The following WDR25 variants were observed in gnomAD, a reference collection of about 807,000 sequenced individuals.
The protein encoded by WDR25 is WD repeat domain 25.
In WDR25, 35 loss-of-function variants were observed where a neutral mutation model predicts 47.7. That is an observed-to-expected ratio of 0.73 (90% CI 0.56 to 0.97). WDR25 has a LOEUF of 0.97. WDR25 is among the 50% of genes least tolerant of loss of function. The pLI, the probability that WDR25 is intolerant of heterozygous loss-of-function variation, is 0.00. For synonymous variants in WDR25, 248 were observed against 278.9 expected (o/e 0.89, Z 1.10); for missense variants, 634 against 704.7 (o/e 0.90, Z 1.14).
At chr14:100,461,072 A>G (rs553523173) in intron 2 of WDR25, among the ~76,000 whole-genome samples, 36 of 152,226 alleles carry the variant, frequency 2.4e-4, no homozygotes, top group African/African-American at 8.2e-4. Flanking sequence ...AAAAACATTT[A>G]GAAGGGTGAT....
chr14:100,451,702 A>G (rs925906177), intron 2 of WDR25, among the ~76,000 whole-genome samples: 8 of 152,002 alleles, frequency 5.3e-5, no homozygotes, highest in Non-Finnish European at 1.0e-4. Flanking sequence ...TTGTGGTGCC[A>G]GAGAGGTTCA....
At chr14:100,381,916 G>C in intron 2 of WDR25, 170 bp downstream of exon 2, 1 of 646,942 alleles carries the variant, frequency 1.5e-6, no homozygotes, top group Non-Finnish European at 2.7e-6. Flanking sequence ...CCGGGTTGTG[G>C]GTTCCTTCTG....
intron 2 of WDR25, among the ~76,000 whole-genome samples, chr14:100,447,229 G>A (rs1456384519): frequency 6.6e-6 from 1 of 152,208 alleles, no homozygotes; most frequent in Non-Finnish European, 1.5e-5. Context: ...CCTACTGGAA[G>A]CTGTTCCATT....
intron 2 of WDR25, among the ~76,000 whole-genome samples, chr14:100,382,826 G>A (rs553747562): frequency 6.6e-6 from 1 of 152,330 alleles, no homozygotes; most frequent in African/African-American, 2.4e-5. Flanking sequence ...CTGGCCGGCT[G>A]CCTTCCTGTG....
Position 100,449,587 on chromosome 14 carries a change from C to T in WDR25, c.823-18434C>T, listed in dbSNP as rs1429366201. Among the ~76,000 whole-genome samples, 1 of 152,222 alleles carries T rather than the reference C, an allele frequency of 6.6e-6. No homozygotes were observed. Among genetic ancestry groups the T allele is most frequent in the South Asian group, 2.1e-4 (1 of 4,828 alleles). ...TGACAGCCAGGACACTCTGCCTCCA[C>T]CCAGACTGGGCCTTCAGAAGGAATT... On this transcript the variant is annotated intron_variant, in intron 2 of 6. Transcript: ENST00000402312. The surrounding 1 kb of genome is among the most constrained non-coding windows in gnomAD (Gnocchi z 4.2).
intron 3 of WDR25, among the ~76,000 whole-genome samples, chr14:100,476,179 G>A (rs1319017183): frequency 6.6e-6 from 1 of 152,210 alleles, no homozygotes; most frequent in Non-Finnish European, 1.5e-5. Context: ...GGAGAGGATT[G>A]CTGGCCGATG....
Position 100,484,064 on chromosome 14 carries a change from C to T in WDR25, c.1041C>T (p.Asn347=). ...TGAAATTCCATCCAAAAGACCACAA[C>T]ATCTTTTTATGTGGAGGCTTCAGCT... is the stretch of plus-strand genomic sequence containing the variant. ...TTLKFHPKDH[N]IFLCGGFSSE... The change falls in exon 4 of 7, where the codon AAC becomes AAT. Residue 347 remains asparagine, a synonymous_variant. Transcript: ENST00000402312. 6.2e-7 allele frequency: 1 copy of T among 1,613,908 alleles called. No individual in the cohort carries two copies. Among genetic ancestry groups the T allele is most frequent in the Non-Finnish European group, 8.5e-7 (1 of 1,179,912 alleles).
At chr14:100,527,794 G>A (rs1212483626) in intron 5 of WDR25, among the ~76,000 whole-genome samples, 1 of 152,266 alleles carries the variant, frequency 6.6e-6, no homozygotes, top group Admixed American at 6.5e-5. Context: ...GGCAGCCTCT[G>A]TGCCTCTGAT....
In WDR25 at chr14:100,413,620, A is replaced by C. The variant is rs200989344; in HGVS notation, c.822+31874A>C. Among the ~76,000 whole-genome samples the C allele has an allele frequency of 5.9e-5, 9 of 152,060 alleles. No homozygotes were observed. The East Asian group carries it at 1.2e-3, about 20-fold the overall frequency. On this transcript the variant is annotated intron_variant, in intron 2 of 6. Coordinates refer to ENST00000402312, the MANE Select transcript of WDR25 (RefSeq NM_001161476.3). ...AGTAGAGATGGGGTTTCACCGTGTT[A>C]GCCAGGATGGTCTCGATCTCCTGAC...
rs1313847564 is a variant in WDR25, at chr14:100,392,672, G to A, written c.822+10926G>A. On this transcript the variant is annotated intron_variant, in intron 2 of 6. Transcript: ENST00000402312. The surrounding 1 kb of genome is among the most constrained non-coding windows in gnomAD (Gnocchi z 4.2). ...CCCAGCCCTGCCCGCGCCACACTGT[G>A]CCACCAGCCGCCTCTGCGTCTTTGG... 1.3e-5 allele frequency among the ~76,000 whole-genome samples: 2 copies of A among 152,234 alleles called. No homozygotes were observed. Among genetic ancestry groups the A allele is most frequent in the African/African-American group, 4.8e-5 (2 of 41,534 alleles).
intron 4 of WDR25, 101 bp downstream of exon 4, chr14:100,484,225 G>C: frequency 7.6e-7 from 1 of 1,309,176 alleles, no homozygotes; most frequent in Non-Finnish European, 1.0e-6. Flanking sequence ...GACCCTTGAG[G>C]TGGAATAATT....
chr14:100,455,298 A>T (rs1340769411), intron 2 of WDR25: 1 of 152,204 alleles, frequency 6.6e-6, no homozygotes, highest in Non-Finnish European at 1.5e-5. Flanking sequence ...TCCATAACAG[A>T]GGGAAATGAC....
chr14:100,454,252 C>T (rs752983955), intron 2 of WDR25, among the ~76,000 whole-genome samples: 1 of 152,062 alleles, frequency 6.6e-6, no homozygotes. Context: ...CAGTGGCTCA[C>T]CCACAGAATA....
At chr14:100,376,537 G>C in intron 1 of WDR25, 42 bp downstream of exon 1, 1 of 1,231,936 alleles carries the variant, frequency 8.1e-7, no homozygotes, top group Non-Finnish European at 1.0e-6. Context: ...GAGGGGCCGG[G>C]ACTGGGCAGC....
At chr14:100,414,406 A>G (rs944128650) in intron 2 of WDR25, among the ~76,000 whole-genome samples, 7 of 143,284 alleles carry the variant, frequency 4.9e-5, no homozygotes, top group African/African-American at 1.9e-4. Context: ...TCCGCCTCCC[A>G]GGCTCAAGCA....
chr14:100,432,196 G>A (rs765179624), intron 2 of WDR25, among the ~76,000 whole-genome samples: 7 of 152,180 alleles, frequency 4.6e-5, no homozygotes, highest in Non-Finnish European at 8.8e-5. Context: ...TCTTACTTAG[G>A]TTAGGAAGTC....
chr14:100,519,907 G>A (rs192740352), intron 4 of WDR25, among the ~76,000 whole-genome samples: 2 of 138,622 alleles, frequency 1.4e-5, no homozygotes, highest in African/African-American at 5.4e-5. Flanking sequence ...TATACTAGAT[G>A]TATATATAGT....
chr14:100,412,150 T>C (rs1897727300), intron 2 of WDR25, among the ~76,000 whole-genome samples: 1 of 142,618 alleles, frequency 7.0e-6, no homozygotes, highest in Non-Finnish European at 1.5e-5. Context: ...AAGGCTGCAG[T>C]GAGCCTTGAT....
intron 2 of WDR25, among the ~76,000 whole-genome samples, chr14:100,406,200 A>C (rs562352983): frequency 6.6e-6 from 1 of 152,298 alleles, no homozygotes; most frequent in East Asian, 1.9e-4. Context: ...GTGTCTCAGC[A>C]CTGGGACCTG....
Sources: allele counts gnomAD v4.1 joint callset (sites outside exome capture counted in the v4.1 genomes callset), GRCh38; gene constraint gnomAD v4.1.1; non-coding constraint Gnocchi (gnomAD v3.1); transcripts MANE v1.5; gene names NCBI Gene and HGNC (gene_info 2026-07-23, HGNC 2026-07-21).